STAT1: variants seen among roughly 807,000 people sequenced by gnomAD.
STAT1 encodes signal transducer and activator of transcription 1-alpha/beta.
Under a neutral mutation model 111.7 loss-of-function variants are expected in STAT1, and 24 were observed. That is an observed-to-expected ratio of 0.21 (90% CI 0.16 to 0.30). The LOEUF (loss-of-function observed/expected upper bound fraction) is 0.30, where lower values mean the gene tolerates loss of function less well. Ranked by LOEUF, STAT1 falls within the 10% of genes least tolerant of loss-of-function variation. STAT1 has a pLI of 1.00. For missense variants in STAT1, 351 were observed against 911.9 expected (o/e 0.38, Z 7.92); for synonymous variants, 332 against 326.5 (o/e 1.02, Z -0.18).
At chr2:191,005,047 T>C (rs1694576246) in intron 5 of STAT1, among the ~76,000 whole-genome samples, 1 of 152,248 alleles carries the variant, frequency 6.6e-6, no homozygotes, top group African/African-American at 2.4e-5. Flanking sequence ...ATGTATTTTC[T>C]AAAAGCTCTT....
chr2:190,985,759 C>T, intron 14 of STAT1, 99 bp from the exon 15 acceptor site: 2 of 1,274,464 alleles, frequency 1.6e-6, no homozygotes, highest in South Asian at 1.2e-5. Context: ...GAAAGAATGA[C>T]AGACGTGACT....
In STAT1 at chr2:190,998,403, C is replaced by T; in HGVS notation, c.542-95G>A. 2 of 1,031,626 alleles carry T rather than the reference C, an allele frequency of 1.9e-6. No homozygotes were observed. The highest frequency in any genetic ancestry group is 1.7e-5 in the Admixed American group (1 of 57,752). 63.9% of individuals were successfully genotyped at this position (1,031,626 alleles called of 1,614,324 possible). On this transcript the variant is annotated intron_variant, in intron 7 of 24. Coordinates refer to ENST00000361099, the MANE Select transcript of STAT1 (RefSeq NM_007315.4). The surrounding 1 kb of genome is among the most constrained non-coding windows in gnomAD (Gnocchi z 4.1). ...ATTTAGGATAAATATGACACAAATGCTGCCTAGTGACAGGTCAAAGTTTGG... is the reference window on the plus strand; with the variant it reads ...ATTTAGGATAAATATGACACAAATGTTGCCTAGTGACAGGTCAAAGTTTGG...
rs1250924256 is a variant in STAT1 at position 190,978,034 on chromosome 2, T to C, written c.1873+822A>G. Reference sequence around the variant, plus strand: ...AGAAAAACAAACAGAACAAGAAGAGTATGGCAGAAAAACAAATAGAATAAG... The same window carrying C: ...AGAAAAACAAACAGAACAAGAAGAGCATGGCAGAAAAACAAATAGAATAAG... On this transcript the variant is annotated intron_variant, in intron 21 of 24. Coordinates refer to ENST00000361099, the MANE Select transcript of STAT1 (RefSeq NM_007315.4). This position sits in a 1 kb window ranked among gnomAD's most constrained non-coding sequence, Gnocchi z 6.1. Among the ~76,000 whole-genome samples the C allele has an allele frequency of 4.2e-5, 6 of 143,578 alleles. No homozygotes were observed. The highest frequency in any genetic ancestry group is 6.8e-5 in the Admixed American group (1 of 14,640). 94.2% of individuals were successfully genotyped at this position (143,578 alleles called of 152,430 possible).
intron 4 of STAT1, 126 bp downstream of exon 4, chr2:191,008,837 G>T: frequency 1.1e-6 from 1 of 944,188 alleles, no homozygotes; most frequent in Non-Finnish European, 1.6e-6. Context: ...AAACATAAAT[G>T]GAGTTAGTCT....
rs1398072235 is a variant in STAT1, at chr2:190,970,614, AAC to A, written c.*87_*88del. Reference sequence around the variant, plus strand: ...CTGGCCTTTCTTTCATTTCCCTAGAAACACAGGATGTGAAGGAACAGAGTAGC... The same window carrying A: ...CTGGCCTTTCTTTCATTTCCCTAGAAACAGGATGTGAAGGAACAGAGTAGC... On this transcript the variant is annotated 3_prime_UTR_variant, in exon 25 of 25. Transcript: ENST00000361099. The surrounding 1 kb of genome is among the most constrained non-coding windows in gnomAD (Gnocchi z 5.4). The A allele has an allele frequency of 2.3e-5, 33 of 1,457,426 alleles. No individual in the cohort carries two copies. The highest frequency in any genetic ancestry group is 3.2e-5 in the Non-Finnish European group (33 of 1,039,338). The allele number at this position is 1,457,426 out of a possible 1,614,324, so 90.3% of individuals were successfully genotyped here. A position where few individuals can be genotyped will look rare whatever the true frequency, so the allele number is the denominator to read the frequency against.
rs1692054279 is a variant in STAT1, at chr2:190,978,096, G to A, written c.1873+760C>T. ...AAAACAGGAGAAGAGGAATATTTCAGAAAAATAAATAGAACAAGAAGAGTA... is the reference window on the plus strand; with the variant it reads ...AAAACAGGAGAAGAGGAATATTTCAAAAAAATAAATAGAACAAGAAGAGTA... On this transcript the variant is annotated intron_variant, in intron 21 of 24. Coordinates refer to ENST00000361099, the MANE Select transcript of STAT1 (RefSeq NM_007315.4). The surrounding 1 kb of genome is among the most constrained non-coding windows in gnomAD (Gnocchi z 6.1). Among the ~76,000 whole-genome samples the A allele has an allele frequency of 2.0e-5, 3 of 152,012 alleles. No homozygotes were observed. Among genetic ancestry groups the A allele is most frequent in the Non-Finnish European group, 2.9e-5 (2 of 68,004 alleles).
chr2:190,993,192 A>G lies in STAT1; in HGVS notation c.944+1869T>C. 1.9e-6 allele frequency: 1 copy of G among 534,448 alleles called. No individual in the cohort carries two copies. Among genetic ancestry groups the G allele is most frequent in the Non-Finnish European group, 3.5e-6 (1 of 283,882 alleles). The allele number at this position is 534,448 out of a possible 1,614,324, so 33.1% of individuals were successfully genotyped here. A position where few individuals can be genotyped will look rare whatever the true frequency, so the allele number is the denominator to read the frequency against. On this transcript the variant is annotated intron_variant, in intron 10 of 24. Transcript: ENST00000361099. The surrounding 1 kb of genome is among the most constrained non-coding windows in gnomAD (Gnocchi z 4.1). ...ACTACTTTCTCTGTGGTCAGATCAC[A>G]CTTGTTCCCTACCAACAATTTGTTG... is the stretch of plus-strand genomic sequence containing the variant.
Position 191,004,773 on chromosome 2 carries a change from C to T in STAT1, c.372+2790G>A, listed in dbSNP as rs185357028. On this transcript the variant is annotated intron_variant, in intron 5 of 24. Transcript: ENST00000361099. This position sits in a 1 kb window ranked among gnomAD's most constrained non-coding sequence, Gnocchi z 5.0. The stretch of plus-strand genomic sequence containing the variant: ...CACAGGGCCTGAAACATGATAAGCA[C>T]TCAGCATATGGTAACCATTAGTCCT... 3.9e-5 allele frequency among the ~76,000 whole-genome samples: 6 copies of T among 152,282 alleles called. No individual in the cohort carries two copies. Among genetic ancestry groups the T allele is most frequent in the African/African-American group, 7.2e-5 (3 of 41,544 alleles).
chr2:190,977,780 CTG>C lies in STAT1; in HGVS notation c.1874-757_1874-756del, dbSNP rs1420185664. 6.6e-6 allele frequency among the ~76,000 whole-genome samples: 1 copy of C among 152,066 alleles called. No individual in the cohort carries two copies. The highest frequency in any genetic ancestry group is 1.5e-5 in the Non-Finnish European group (1 of 68,024). On this transcript the variant is annotated intron_variant, in intron 21 of 24. Coordinates refer to ENST00000361099, the MANE Select transcript of STAT1 (RefSeq NM_007315.4). This position sits in a 1 kb window ranked among gnomAD's most constrained non-coding sequence, Gnocchi z 4.7. ...TTCATCTCTGCTTGGTCTACTATAT[CTG>C]TCTCTCAGCTGGTTCAGGAAGGGAA...
intron 5 of STAT1, among the ~76,000 whole-genome samples, chr2:191,005,142 G>C (rs1205054099): frequency 6.6e-6 from 1 of 152,060 alleles, no homozygotes; most frequent in Non-Finnish European, 1.5e-5. Context: ...GAACTAACTC[G>C]GAATTTTGCA....
chr2:191,001,056 T>C lies in STAT1; in HGVS notation c.462+18A>G, dbSNP rs766893842. ...CAGAAAGTTTCAGAATAAATGCATGTGTTTACTCAATACTCACCATAACCT... is the reference window on the plus strand; with the variant it reads ...CAGAAAGTTTCAGAATAAATGCATGCGTTTACTCAATACTCACCATAACCT... On this transcript the variant is annotated intron_variant, in intron 6 of 24. Transcript: ENST00000361099. The C allele has an allele frequency of 1.1e-5, 18 of 1,584,344 alleles. No homozygotes were observed. Among genetic ancestry groups the C allele is most frequent in the Non-Finnish European group, 1.6e-5 (18 of 1,152,962 alleles).
rs1693909254 is a variant in STAT1, at chr2:190,997,016, C to A, written c.785+840G>T. 6.6e-6 allele frequency among the ~76,000 whole-genome samples: 1 copy of A among 152,230 alleles called. No individual in the cohort carries two copies. Among genetic ancestry groups the A allele is most frequent in the African/African-American group, 2.4e-5 (1 of 41,462 alleles). ...GCTCAGCAGTACAGCTGCGTACATC[C>A]CCCATTCCCAGCATGGTGCTGAGAA... On this transcript the variant is annotated intron_variant, in intron 9 of 24. Transcript: ENST00000361099. This position sits in a 1 kb window ranked among gnomAD's most constrained non-coding sequence, Gnocchi z 7.3.
rs1328327972 is a variant in STAT1, at chr2:190,993,626, C to G, written c.944+1435G>C. 9 of 572,432 alleles carry G rather than the reference C, an allele frequency of 1.6e-5. No individual in the cohort carries two copies. The highest frequency in any genetic ancestry group is 4.4e-5 in the Admixed American group (2 of 45,030). 35.5% of individuals were successfully genotyped at this position (572,432 alleles called of 1,614,324 possible). ...CTTGCTGCTACAGCTGCTGCCCTGA[C>G]TCTCTGCACCACGGGTAACTGAAGG... On this transcript the variant is annotated intron_variant, in intron 10 of 24. Transcript: ENST00000361099. The surrounding 1 kb of genome is among the most constrained non-coding windows in gnomAD (Gnocchi z 4.1).
Position 191,005,015 on chromosome 2 carries a change from G to A in STAT1, c.372+2548C>T, listed in dbSNP as rs543011965. Among the ~76,000 whole-genome samples the A allele has an allele frequency of 2.0e-5, 3 of 152,298 alleles. No individual in the cohort carries two copies. In the South Asian group the frequency reaches 6.2e-4, roughly 32 times the overall value. On this transcript the variant is annotated intron_variant, in intron 5 of 24. Coordinates refer to ENST00000361099, the MANE Select transcript of STAT1 (RefSeq NM_007315.4). ...AAACATTTATAGTCTACTACAGTGTGTATAGCATAATATTCTCTTAAATGT... is the reference window on the plus strand; with the variant it reads ...AAACATTTATAGTCTACTACAGTGTATATAGCATAATATTCTCTTAAATGT...
At position 190,983,168 on chromosome 2, in the gene STAT1, C is replaced by G. The variant is rs181278799; in HGVS notation, c.1446+474G>C. Among the ~76,000 whole-genome samples the G allele has an allele frequency of 4.6e-5, 7 of 152,286 alleles. No individual in the cohort carries two copies. The highest frequency in any genetic ancestry group is 1.3e-4 in the Admixed American group (2 of 15,300). On this transcript the variant is annotated intron_variant, in intron 17 of 24. Transcript: ENST00000361099. The surrounding 1 kb of genome is among the most constrained non-coding windows in gnomAD (Gnocchi z 5.7). Reference sequence around the variant, plus strand: ...AGAAACACACATAAACAATGTTATGCATTGATGGGTTGACAAAAATGTTGT... The same window carrying G: ...AGAAACACACATAAACAATGTTATGGATTGATGGGTTGACAAAAATGTTGT...
In STAT1 at chr2:190,996,315, A is replaced by C. The variant is rs997465549; in HGVS notation, c.786-1096T>G. Among the ~76,000 whole-genome samples the C allele has an allele frequency of 6.6e-6, 1 of 152,222 alleles. No homozygotes were observed. The highest frequency in any genetic ancestry group is 1.9e-4 in the East Asian group (1 of 5,196). ...TAAAAGTGTCTTCTTCCCTGGGAAAAGTATCTACTTCACTTTCTGATTTTG... is the reference window on the plus strand; with the variant it reads ...TAAAAGTGTCTTCTTCCCTGGGAAACGTATCTACTTCACTTTCTGATTTTG... On this transcript the variant is annotated intron_variant, in intron 9 of 24. Coordinates refer to ENST00000361099, the MANE Select transcript of STAT1 (RefSeq NM_007315.4). This position sits in a 1 kb window ranked among gnomAD's most constrained non-coding sequence, Gnocchi z 4.5.
At position 190,999,611 on chromosome 2, in the gene STAT1, G is replaced by C; in HGVS notation, c.541+15C>G. ...ATTGCAGCCAACGGGCACCACTTCA[G>C]TTGTGAACCCTTACCTCTGTTCTGC... On this transcript the variant is annotated intron_variant, in intron 7 of 24. Transcript: ENST00000361099. The surrounding 1 kb of genome is among the most constrained non-coding windows in gnomAD (Gnocchi z 4.1). 1 of 1,605,594 alleles carries C rather than the reference G, an allele frequency of 6.2e-7. No individual in the cohort carries two copies. Among genetic ancestry groups the C allele is most frequent in the Non-Finnish European group, 8.5e-7 (1 of 1,172,268 alleles).
chr2:191,013,708 A>G (rs1574677872), intron 1 of STAT1, 30 bp from the exon 2 acceptor site: 1 of 398,624 alleles, frequency 2.5e-6, no homozygotes, highest in Non-Finnish European at 4.4e-6. Context: ...TGACTGATGG[A>G]AAGGGGTGGA....
chr2:190,981,769 A>G lies in STAT1; in HGVS notation c.1582+614T>C, dbSNP rs369339032. On this transcript the variant is annotated intron_variant, in intron 18 of 24. Coordinates refer to ENST00000361099, the MANE Select transcript of STAT1 (RefSeq NM_007315.4). This position sits in a 1 kb window ranked among gnomAD's most constrained non-coding sequence, Gnocchi z 4.1. ...AGTTCAGATAGCCTCACTCACTGAA[A>G]GATCTGACCTTGAGACTAGTGGATC... Among the ~76,000 whole-genome samples the G allele has an allele frequency of 1.2e-4, 18 of 152,388 alleles. No homozygotes were observed. In the East Asian group the frequency reaches 3.3e-3, roughly 28 times the overall value.
Sources: allele counts gnomAD v4.1 joint callset (sites outside exome capture counted in the v4.1 genomes callset), GRCh38; gene constraint gnomAD v4.1.1; non-coding constraint Gnocchi (gnomAD v3.1); transcripts MANE v1.5; gene names NCBI Gene and HGNC (gene_info 2026-07-23, HGNC 2026-07-21).